The following JPH3 variants were observed in gnomAD, a reference collection of about 807,000 sequenced individuals.
The protein encoded by JPH3 is junctophilin 3, also known as junctophilin-3.
In JPH3, 11 loss-of-function variants were observed where a neutral mutation model predicts 59.6. That is an observed-to-expected ratio of 0.18 (90% confidence interval 0.12 to 0.31). The LOEUF (loss-of-function observed/expected upper bound fraction) is 0.31, where lower values mean the gene tolerates loss of function less well. Ranked by LOEUF, JPH3 falls within the 10% of genes least tolerant of loss-of-function variation. The pLI is 1.00. For synonymous variants in JPH3, 673 were observed against 483.6 expected (o/e 1.39, Z -5.14); for missense variants, 1,202 against 1,105.7 (o/e 1.09, Z -1.24).
At chr16:87,621,383 G>A (rs752372184) in intron 1 of JPH3, among the ~76,000 whole-genome samples, 16 of 152,342 alleles carry the variant, frequency 1.1e-4, no homozygotes, top group African/African-American at 3.6e-4. Context: ...CCTGGGATCC[G>A]CGGCTGCGCA....
chr16:87,615,756 G>C (rs541023219), intron 1 of JPH3, among the ~76,000 whole-genome samples: 20 of 152,332 alleles, frequency 1.3e-4, no homozygotes, highest in Non-Finnish European at 2.4e-4. Context: ...GTGGTGCTGG[G>C]ACCACGCCTT....
chr16:87,614,595 C>T (rs1567582505), intron 1 of JPH3, among the ~76,000 whole-genome samples: 1 of 151,860 alleles, frequency 6.6e-6, no homozygotes, highest in African/African-American at 2.4e-5. Context: ...CTGTCTGTTC[C>T]CTCCCAGGAT....
At chr16:87,628,046 T>G (rs1334948252) in intron 1 of JPH3, among the ~76,000 whole-genome samples, 1 of 152,216 alleles carries the variant, frequency 6.6e-6, no homozygotes, top group Non-Finnish European at 1.5e-5. Flanking sequence ...GACACCCTTA[T>G]GTGCTGTGTC....
chr16:87,649,632 C>A (rs1393019846), intron 2 of JPH3, among the ~76,000 whole-genome samples: 2 of 152,180 alleles, frequency 1.3e-5, no homozygotes, highest in African/African-American at 4.8e-5. Context: ...CTCTCACAGC[C>A]CCCTCATCCC....
At chr16:87,687,412 G>A (rs1315443890) in intron 3 of JPH3, among the ~76,000 whole-genome samples, 1 of 152,220 alleles carries the variant, frequency 6.6e-6, no homozygotes, top group Non-Finnish European at 1.5e-5. Context: ...GCTGGCGCCA[G>A]CCTCTTGCTG....
intron 1 of JPH3, among the ~76,000 whole-genome samples, chr16:87,635,483 C>T (rs2031708409): frequency 6.6e-6 from 1 of 152,174 alleles, no homozygotes; most frequent in Non-Finnish European, 1.5e-5. Flanking sequence ...TGTGCTGGCC[C>T]AGGGCTCTGG....
chr16:87,607,208 T>C (rs1937695141), intron 1 of JPH3, among the ~76,000 whole-genome samples: 1 of 152,208 alleles, frequency 6.6e-6, no homozygotes, highest in African/African-American at 2.4e-5. Context: ...AGGCCCACCA[T>C]GCATGCCGGT....
At chr16:87,681,090 G>C (rs1417309344) in intron 2 of JPH3, among the ~76,000 whole-genome samples, 1 of 152,218 alleles carries the variant, frequency 6.6e-6, no homozygotes, top group Non-Finnish European at 1.5e-5. Context: ...CATCGCAGGA[G>C]TCAGGTGCAC....
rs577593301 is a variant in JPH3 at position 87,607,215 on chromosome 16, C to T, written c.382+3687C>T. Among the ~76,000 whole-genome samples, 33 of 152,328 alleles carry T rather than the reference C, an allele frequency of 2.2e-4. No individual in the cohort carries two copies. The Middle Eastern group carries it at 0.014, about 63-fold the overall frequency. On this transcript the variant is annotated intron_variant, in intron 1 of 4. Coordinates refer to ENST00000284262, the MANE Select transcript of JPH3 (RefSeq NM_020655.4). ...GCCCCCTGAGGCCCACCATGCATGC[C>T]GGTGCTGCACCGCACAGGTATAGAT...
intron 1 of JPH3, among the ~76,000 whole-genome samples, chr16:87,633,830 C>T (rs936649125): frequency 6.6e-6 from 1 of 151,974 alleles, no homozygotes; most frequent in Non-Finnish European, 1.5e-5. Flanking sequence ...TTGGTAGTAA[C>T]GATGTAGGGG....
At chr16:87,680,378 C>T (rs1597286315) in intron 2 of JPH3, among the ~76,000 whole-genome samples, 1 of 152,268 alleles carries the variant, frequency 6.6e-6, no homozygotes. Flanking sequence ...GCGGTGTGGA[C>T]CCAGAAGGAA....
chr16:87,629,607 G>C (rs1164110616), intron 1 of JPH3, among the ~76,000 whole-genome samples: 1 of 152,026 alleles, frequency 6.6e-6, no homozygotes, highest in Non-Finnish European at 1.5e-5. Context: ...ACATCCCGTG[G>C]GGTTCCAACT....
intron 2 of JPH3, among the ~76,000 whole-genome samples, chr16:87,652,544 A>C (rs1485465581): frequency 1.3e-5 from 2 of 152,234 alleles, no homozygotes; most frequent in African/African-American, 4.8e-5. Flanking sequence ...ACTCACTGCA[A>C]CCTTCACGTC....
chr16:87,628,064 T>C (rs1391043019), intron 1 of JPH3, among the ~76,000 whole-genome samples: 1 of 152,222 alleles, frequency 6.6e-6, no homozygotes, highest in Non-Finnish European at 1.5e-5. Context: ...GTCCTGTTCC[T>C]GCCTCCCCTG....
intron 2 of JPH3, among the ~76,000 whole-genome samples, chr16:87,645,828 C>T (rs909538742): frequency 6.6e-6 from 1 of 152,190 alleles, no homozygotes; most frequent in African/African-American, 2.4e-5. Flanking sequence ...CAGGAGCCAC[C>T]TGCTGCAGGT....
At chr16:87,668,911 C>T (rs59852173) in intron 2 of JPH3, among the ~76,000 whole-genome samples, 27,354 of 151,946 alleles carry the variant, frequency 0.18, 4,374 homozygotes, top group African/African-American at 0.43. Flanking sequence ...GGCCGTGCTC[C>T]GTGGATCTCC....
intron 2 of JPH3, among the ~76,000 whole-genome samples, chr16:87,663,585 C>A (rs886069168): frequency 1.3e-5 from 2 of 152,154 alleles, no homozygotes; most frequent in Admixed American, 6.5e-5. Context: ...CAGCCACTGC[C>A]CCCAGCTGGC....
chr16:87,664,875 A>C (rs978722376), intron 2 of JPH3, among the ~76,000 whole-genome samples: 70 of 152,270 alleles, frequency 4.6e-4, no homozygotes, highest in African/African-American at 1.7e-3. Context: ...GGCCCAAGGA[A>C]GCGTCATGAG....
chr16:87,678,887 A>G (rs1425021055), intron 2 of JPH3, among the ~76,000 whole-genome samples: 1 of 152,218 alleles, frequency 6.6e-6, no homozygotes, highest in Non-Finnish European at 1.5e-5. Flanking sequence ...GCAGCTGGAG[A>G]GAGGATGGAT....
Sources: gnomAD v4.1 joint callset for allele counts (sites outside exome capture counted in the v4.1 genomes callset) on GRCh38, gnomAD v4.1.1 for gene constraint, MANE v1.5 for transcripts, NCBI Gene and HGNC (gene_info 2026-07-23, HGNC 2026-07-21) for gene names.